ADAMTSL1: variants seen among roughly 807,000 people sequenced by gnomAD.
ADAMTSL1 encodes the protein ADAMTS-like protein 1.
A neutral mutation model predicts 201.8 loss-of-function variants in ADAMTSL1; 126 were observed. That is an observed-to-expected ratio of 0.62 (90% CI 0.54 to 0.72). The LOEUF (loss-of-function observed/expected upper bound fraction) is 0.72. Ranked by LOEUF, ADAMTSL1 falls within the 30% of genes least tolerant of loss-of-function variation. The probability of loss-of-function intolerance (pLI) is 0.00; values close to 1 mark genes in which losing one functional copy is unlikely to be tolerated. For missense variants in ADAMTSL1, 2,679 were observed against 2,277.8 expected, an observed-to-expected ratio of 1.18 and a Z score of -3.59; for synonymous variants, 1,121 against 903.4, an observed-to-expected ratio of 1.24 and a Z score of -4.32.
At chr9:18,500,508 A>G (rs935349119) in intron 1 of ADAMTSL1, among the ~76,000 whole-genome samples, 3 of 152,230 alleles carry the variant, frequency 2.0e-5, no homozygotes, top group East Asian at 1.9e-4. Flanking sequence ...CTTATCCAAC[A>G]CTACATTTAA....
At chr9:18,269,570 T>C (rs768397409) in intron 2 of ADAMTSL1, among the ~76,000 whole-genome samples, 1 of 152,188 alleles carries the variant, frequency 6.6e-6, no homozygotes, top group Non-Finnish European at 1.5e-5. Flanking sequence ...GCAATGGTTT[T>C]CCTTCAAAAC....
At chr9:18,493,916 C>T (rs547099979) in intron 1 of ADAMTSL1, among the ~76,000 whole-genome samples, 12 of 152,270 alleles carry the variant, frequency 7.9e-5, no homozygotes, top group African/African-American at 2.6e-4. Context: ...CAAGGCACTG[C>T]GCATATTCAG....
intron 1 of ADAMTSL1, among the ~76,000 whole-genome samples, chr9:17,992,917 C>G (rs1385789943): frequency 1.3e-5 from 2 of 152,104 alleles, no homozygotes; most frequent in African/African-American, 2.4e-5. Flanking sequence ...TAACCCTTTA[C>G]TGAATTCGAA....
chr9:18,668,887 G>GA (rs1160687171), intron 9 of ADAMTSL1, among the ~76,000 whole-genome samples: 4 of 152,158 alleles, frequency 2.6e-5, no homozygotes, highest in Non-Finnish European at 4.4e-5. Context: ...TTTTACAGAT[G>GA]AAAAAACTGA....
intron 7 of ADAMTSL1, among the ~76,000 whole-genome samples, chr9:18,644,887 C>A (rs922698401): frequency 2.0e-5 from 3 of 151,646 alleles, no homozygotes; most frequent in Non-Finnish European, 4.4e-5. Context: ...ATTTATAGTC[C>A]TTTGGGTATA....
intron 2 of ADAMTSL1, among the ~76,000 whole-genome samples, chr9:18,242,063 G>T (rs1198574704): frequency 6.6e-6 from 1 of 151,974 alleles, no homozygotes; most frequent in African/African-American, 2.4e-5. Flanking sequence ...CACAAGAAAA[G>T]AAAACTATAA....
At chr9:18,843,985 C>T (rs917275267) in intron 23 of ADAMTSL1, among the ~76,000 whole-genome samples, 10 of 152,184 alleles carry the variant, frequency 6.6e-5, no homozygotes, top group Admixed American at 5.9e-4. Context: ...TTTGAATTTC[C>T]TCCTGTAGCT....
chr9:18,413,254 T>C (rs903124716), intron 2 of ADAMTSL1, among the ~76,000 whole-genome samples: 1 of 151,564 alleles, frequency 6.6e-6, no homozygotes, highest in Admixed American at 6.6e-5. Flanking sequence ...AACCTTCGCC[T>C]CCTAGGTTCA....
At chr9:18,285,975 A>T (rs988939265) in intron 2 of ADAMTSL1, among the ~76,000 whole-genome samples, 1 of 151,776 alleles carries the variant, frequency 6.6e-6, no homozygotes, top group African/African-American at 2.4e-5. Context: ...CCCAAAAGAA[A>T]CTCGATAGCA....
intron 1 of ADAMTSL1, among the ~76,000 whole-genome samples, chr9:18,133,740 G>T (rs1387973145): frequency 1.3e-5 from 2 of 152,004 alleles, no homozygotes; most frequent in African/African-American, 4.8e-5. Context: ...AGAATCCCCT[G>T]TGCTTGTGTG....
chr9:18,020,601 C>T (rs1342382211), intron 1 of ADAMTSL1, among the ~76,000 whole-genome samples: 1 of 152,084 alleles, frequency 6.6e-6, no homozygotes, highest in African/African-American at 2.4e-5. Context: ...ATCAACAGAA[C>T]AGCAGGGCGG....
upstream of ADAMTSL1, among the ~76,000 whole-genome samples, chr9:18,470,490 G>A (rs1033818485): frequency 2.0e-5 from 3 of 152,170 alleles, no homozygotes; most frequent in African/African-American, 7.2e-5. Flanking sequence ...AGGCTCAGAT[G>A]CTGCCATAAC....
intron 1 of ADAMTSL1, among the ~76,000 whole-genome samples, chr9:17,935,362 A>G (rs951055236): frequency 6.6e-6 from 1 of 152,052 alleles, no homozygotes; most frequent in African/African-American, 2.4e-5. Flanking sequence ...GGTGTAACTT[A>G]CTTTCACTCA....
At chr9:18,476,472 A>C (rs959590522) in intron 1 of ADAMTSL1, among the ~76,000 whole-genome samples, 1 of 152,248 alleles carries the variant, frequency 6.6e-6, no homozygotes, top group South Asian at 2.1e-4. Flanking sequence ...TTGATCATTA[A>C]AGATATGTAC....
chr9:18,366,894 C>T (rs1227885555), intron 2 of ADAMTSL1, among the ~76,000 whole-genome samples: 2 of 151,940 alleles, frequency 1.3e-5, no homozygotes, highest in Admixed American at 6.6e-5. Flanking sequence ...TGGCATGAGC[C>T]GCCACATGCA....
At chr9:18,234,214 G>T (rs1830753569) in intron 2 of ADAMTSL1, among the ~76,000 whole-genome samples, 1 of 152,216 alleles carries the variant, frequency 6.6e-6, no homozygotes, top group Admixed American at 6.5e-5. Flanking sequence ...GGTGGTGCCA[G>T]TTACTGGGCT....
chr9:18,720,613 T>A (rs1413584877), intron 14 of ADAMTSL1, among the ~76,000 whole-genome samples: 2 of 152,098 alleles, frequency 1.3e-5, no homozygotes, highest in Non-Finnish European at 2.9e-5. Context: ...TGAAACCCCA[T>A]CTCTACTAAG....
At chr9:18,681,697 T>TGTGTTGGG (rs370940110) in intron 11 of ADAMTSL1, 115 bp from the exon 12 acceptor site, 19 of 240,352 alleles carry the variant, frequency 7.9e-5, no homozygotes, top group South Asian at 5.8e-4. Context: ...AGTCCTCGTG[T>TGTGTTGGG]GGGGGGGGGG....
intron 2 of ADAMTSL1, among the ~76,000 whole-genome samples, chr9:18,405,301 C>T (rs1284125558): frequency 1.3e-5 from 2 of 152,154 alleles, no homozygotes; most frequent in South Asian, 2.1e-4. Context: ...AGCACAGCTG[C>T]TGTGTTGTCT....
Sources: gnomAD v4.1 joint callset for allele counts (sites outside exome capture counted in the v4.1 genomes callset) on GRCh38, gnomAD v4.1.1 for gene constraint, MANE v1.5 for transcripts, NCBI Gene and HGNC (gene_info 2026-07-23, HGNC 2026-07-21) for gene names.